Variants in TIAM2 observed in about 807,000 individuals in gnomAD.
TIAM2 encodes TIAM Rac1 associated GEF 2.
Under a neutral mutation model 152.9 loss-of-function variants are expected in TIAM2, and 80 were observed. The ratio of observed to expected loss-of-function variants is 0.52; its 90% CI spans 0.44 to 0.63. The LOEUF (loss-of-function observed/expected upper bound fraction) is 0.63. TIAM2 is among the 30% of genes least tolerant of loss of function. TIAM2 has a pLI of 0.00. For synonymous variants in TIAM2, 804 were observed against 838.0 expected (o/e 0.96, Z 0.70); for missense variants, 1,965 against 2,120.1 (o/e 0.93, Z 1.44).
chr6:155,077,180 ATT>A (rs773101084), intron 1 of TIAM2, among the ~76,000 whole-genome samples: 8 of 144,722 alleles, frequency 5.5e-5, no homozygotes, highest in Non-Finnish European at 7.6e-5. Context: ...GTGATAAGTA[ATT>A]TTTTTTTTTT....
chr6:155,205,729 C>T (rs759835809), intron 14 of TIAM2, among the ~76,000 whole-genome samples: 4 of 152,272 alleles, frequency 2.6e-5, no homozygotes, highest in Admixed American at 6.5e-5. Flanking sequence ...CCACCACGCA[C>T]GCCAGGCCTT....
intron 15 of TIAM2, among the ~76,000 whole-genome samples, chr6:155,221,950 A>G (rs904569419): frequency 2.0e-5 from 3 of 151,580 alleles, no homozygotes; most frequent in Non-Finnish European, 4.4e-5. Context: ...CTTCTTATTT[A>G]TTTATTTATT....
chr6:155,234,014 T>TGGGGGGG (rs1165600711), intron 15 of TIAM2, among the ~76,000 whole-genome samples: 1 of 145,396 alleles, frequency 6.9e-6, no homozygotes. Context: ...GGGGGGGGGT[T>TGGGGGGG]GGGGTTCAAT....
chr6:155,006,050 G>A (rs1038587954), intron 1 of TIAM2, among the ~76,000 whole-genome samples: 1 of 152,212 alleles, frequency 6.6e-6, no homozygotes, highest in African/African-American at 2.4e-5. Context: ...GGATCGAGCC[G>A]CCTGCCTCTG....
intron 15 of TIAM2, among the ~76,000 whole-genome samples, chr6:155,225,748 G>C (rs1404744083): frequency 6.6e-6 from 1 of 152,130 alleles, no homozygotes; most frequent in East Asian, 1.9e-4. Flanking sequence ...GTAGATTATA[G>C]AGTGGTAAAG....
At chr6:155,088,539 T>G (rs899582268) in intron 1 of TIAM2, among the ~76,000 whole-genome samples, 2 of 152,242 alleles carry the variant, frequency 1.3e-5, no homozygotes, top group African/African-American at 4.8e-5. Flanking sequence ...ATTATTTCAT[T>G]AAACAGTTAG....
chr6:155,146,524 A>T (rs1562331739), intron 6 of TIAM2, among the ~76,000 whole-genome samples: 1 of 152,170 alleles, frequency 6.6e-6, no homozygotes, highest in Non-Finnish European at 1.5e-5. Context: ...GCTTAGAATC[A>T]TACCCATTTG....
intron 20 of TIAM2, among the ~76,000 whole-genome samples, chr6:155,249,478 C>T (rs1053136824): frequency 1.2e-4 from 19 of 152,162 alleles, no homozygotes; most frequent in African/African-American, 3.9e-4. Context: ...TCACTTTTCT[C>T]ATCTGTAAAA....
In TIAM2 at chr6:155,159,700, G is replaced by A. The variant is rs546493429; in HGVS notation, c.2029-4715G>A. ...GAGCTTCTGAATCAGGGGCCTCACCGTACTTTTACTTGAATACTCTTTCAA... is the reference window on the plus strand; with the variant it reads ...GAGCTTCTGAATCAGGGGCCTCACCATACTTTTACTTGAATACTCTTTCAA... On this transcript the variant is annotated intron_variant, in intron 7 of 26. Coordinates refer to ENST00000682666, the MANE Select transcript of TIAM2 (RefSeq NM_012454.4). 1.2e-4 allele frequency among the ~76,000 whole-genome samples: 19 copies of A among 152,254 alleles called. 1 individual carries two copies. In the South Asian group the frequency reaches 1.5e-3, roughly 12 times the overall value.
chr6:155,219,369 T>C (rs528761623), intron 15 of TIAM2, among the ~76,000 whole-genome samples: 40 of 152,072 alleles, frequency 2.6e-4, no homozygotes, highest in Non-Finnish European at 4.7e-4. Context: ...TAGTGAAGCC[T>C]GAGCGGCTCT....
intron 14 of TIAM2, among the ~76,000 whole-genome samples, chr6:155,205,182 TAAAAAAAAAAAA>T (rs61272546): frequency 7.4e-5 from 3 of 40,526 alleles, no homozygotes; most frequent in African/African-American, 2.2e-4. Context: ...TATTAATTTC[TAAAAAAAAAAAA>T]AAAAAAAAAA....
intron 2 of TIAM2, among the ~76,000 whole-genome samples, chr6:155,096,347 C>T (rs1047463080): frequency 1.3e-5 from 2 of 152,090 alleles, no homozygotes; most frequent in African/African-American, 4.8e-5. Flanking sequence ...GTGTTTTCTT[C>T]ATGTTAGAAA....
intron 1 of TIAM2, among the ~76,000 whole-genome samples, chr6:154,996,645 A>G (rs1436065871): frequency 6.6e-6 from 1 of 152,166 alleles, no homozygotes; most frequent in Non-Finnish European, 1.5e-5. Context: ...ATATGCTATA[A>G]ATGTTTCAGT....
At position 155,240,635 on chromosome 6, in the gene TIAM2, C is replaced by A; in HGVS notation, c.3274C>A (p.Arg1092Ser). 1 of 1,614,044 alleles carries A rather than the reference C, an allele frequency of 6.2e-7. No homozygotes were observed. Among genetic ancestry groups the A allele is most frequent in the Non-Finnish European group, 8.5e-7 (1 of 1,180,032 alleles). The change falls in exon 16 of 27, where the codon CGC (arginine) becomes AGC (serine). Residue 1092 changes from arginine (R) to serine (S), a missense_variant. By Grantham distance (110) the Arg-to-Ser change is moderately radical. Transcript: ENST00000682666. ...GGATCCTCCTCCGAGGTCTCTGGCC[C>A]GCCACCTGTCTGATGCAGACCGCCT... Reference protein sequence around the residue: ...NQDPPPRSLARHLSDADRLRK... With the variant: ...NQDPPPRSLASHLSDADRLRK...
intron 1 of TIAM2, among the ~76,000 whole-genome samples, chr6:155,001,878 CT>C (rs1334189681): frequency 1.3e-5 from 2 of 152,152 alleles, no homozygotes; most frequent in Non-Finnish European, 2.9e-5. Context: ...TGGGAAATGG[CT>C]TAATAAATAA....
chr6:155,137,764 A>C, intron 5 of TIAM2, 152 bp downstream of exon 5: 4 of 763,068 alleles, frequency 5.2e-6, no homozygotes, highest in Non-Finnish European at 8.2e-6. Flanking sequence ...ATACTTTCTC[A>C]CACCCGTGAA....
intron 2 of TIAM2, among the ~76,000 whole-genome samples, chr6:155,122,897 T>C (rs984472638): frequency 6.6e-6 from 1 of 152,142 alleles, no homozygotes; most frequent in African/African-American, 2.4e-5. Context: ...TGTTGTTTTT[T>C]AAATTTTTTT....
In TIAM2 at chr6:155,027,539, A is replaced by AAT. The variant is rs1256575646; in HGVS notation, c.-209+32055_-209+32056dup. Among the ~76,000 whole-genome samples, 7 of 100,532 alleles carry AAT rather than the reference A, an allele frequency of 7.0e-5. 1 individual carries two copies. Among genetic ancestry groups the AAT allele is most frequent in the Non-Finnish European group, 1.4e-4 (7 of 49,814 alleles). 66.0% of individuals were successfully genotyped at this position (100,532 alleles called of 152,430 possible). A position where few individuals can be genotyped will look rare whatever the true frequency, so the allele number is the denominator to read the frequency against. Reference sequence around the variant, plus strand: ...ATACTGTGTTACATATACTATATATAATATATATACTGTGTTACATATATA... The same window carrying AAT: ...ATACTGTGTTACATATACTATATATAATATATATATACTGTGTTACATATATA... On this transcript the variant is annotated intron_variant, in intron 1 of 26. Coordinates refer to ENST00000682666, the MANE Select transcript of TIAM2 (RefSeq NM_012454.4).
intron 1 of TIAM2, among the ~76,000 whole-genome samples, chr6:155,074,018 G>C (rs569615320): frequency 3.3e-5 from 5 of 152,162 alleles, no homozygotes; most frequent in Non-Finnish European, 7.3e-5. Context: ...CAACGCTTGA[G>C]CCAAGATACT....
Sources: gnomAD v4.1 joint callset for allele counts (sites outside exome capture counted in the v4.1 genomes callset) on GRCh38, gnomAD v4.1.1 for gene constraint, MANE v1.5 for transcripts, NCBI Gene and HGNC (gene_info 2026-07-23, HGNC 2026-07-21) for gene names.